The following FBN1 variants were observed in gnomAD, a reference collection of about 807,000 sequenced individuals.
FBN1 encodes the protein fibrillin-1.
FBN1 carries 29 observed loss-of-function variants against 365.1 expected under a neutral mutation model. That is an observed-to-expected ratio of 0.08 (90% confidence interval 0.06 to 0.11). FBN1 has a LOEUF of 0.11. Among genes scored for constraint, FBN1 ranks in the 10% least tolerant of loss-of-function variants. The pLI, the probability that FBN1 is intolerant of heterozygous loss-of-function variation, is 1.00. For missense variants in FBN1, 2,476 were observed against 3,703.2 expected (o/e 0.67, Z 8.60); for synonymous variants, 1,210 against 1,270.5 (o/e 0.95, Z 1.01).
In FBN1 at chr15:48,445,411, C is replaced by A. The variant is rs770219790; in HGVS notation, c.5882G>T (p.Gly1961Val). ...CCTCCCATCTGGAGCCACCTCATAG[C>A]CTTCATTGCACTGGCACTGGAAAGA... ...VGSFQCQCNE[G>V]YEVAPDGRTC... Residue 1961 changes from glycine to valine, a missense_variant, in exon 48 of 66, where the codon GGC becomes GTC. Physicochemically the swap from Gly to Val is moderately radical, Grantham distance 109 (BLOSUM62 -3). Transcript: ENST00000316623. The A allele has an allele frequency of 2.5e-6, 4 of 1,612,726 alleles. No individual in the cohort carries two copies. In the South Asian group the frequency reaches 4.4e-5, roughly 18 times the overall value.
At chr15:48,423,042 C>T (rs1392520584) in intron 60 of FBN1, among the ~76,000 whole-genome samples, 1 of 152,248 alleles carries the variant, frequency 6.6e-6, no homozygotes, top group African/African-American at 2.4e-5. Flanking sequence ...ATAAAACCCT[C>T]TGCTTTGACC....
chr15:48,545,622 G>C (rs2044088195), intron 6 of FBN1, among the ~76,000 whole-genome samples: 1 of 152,016 alleles, frequency 6.6e-6, no homozygotes, highest in African/African-American at 2.4e-5. Context: ...AGATGGATGG[G>C]GGTGACAAGG....
chr15:48,444,529 T>C lies in FBN1; in HGVS notation c.6037+12A>G, dbSNP rs1597531680. 6.2e-7 allele frequency: 1 copy of C among 1,613,134 alleles called. No homozygotes were observed. The highest frequency in any genetic ancestry group is 8.5e-7 in the Non-Finnish European group (1 of 1,179,408). ...GACACTCCTCATTTGCTACAACTGA[T>C]AGCTTTCCTACCTTCACACTTCTCA... On this transcript the variant is annotated intron_variant, in intron 49 of 65. Coordinates refer to ENST00000316623, the MANE Select transcript of FBN1 (RefSeq NM_000138.5).
At chr15:48,492,704 T>G in intron 23 of FBN1, 118 bp from the exon 24 acceptor site, 2 of 867,194 alleles carry the variant, frequency 2.3e-6, no homozygotes, top group Non-Finnish European at 3.6e-6. Context: ...TAAAACTAGT[T>G]TGCCTACAAG....
At chr15:48,620,691 C>T (rs2037780487) in intron 2 of FBN1, among the ~76,000 whole-genome samples, 1 of 152,164 alleles carries the variant, frequency 6.6e-6, no homozygotes, top group South Asian at 2.1e-4. Context: ...TTTGTACCAT[C>T]AGTTACTCAA....
chr15:48,618,698 G>A (rs1264915203), intron 2 of FBN1, among the ~76,000 whole-genome samples: 2 of 152,192 alleles, frequency 1.3e-5, no homozygotes, highest in African/African-American at 2.4e-5. Context: ...ACAGCAGGGG[G>A]TAAGTGGCAG....
chr15:48,531,426 G>C (rs35149841), intron 8 of FBN1, among the ~76,000 whole-genome samples: 19,454 of 151,954 alleles, frequency 0.13, 1,303 homozygotes, highest in Non-Finnish European at 0.14. Context: ...TGATGGAATT[G>C]GTTTTTCTTG....
chr15:48,565,478 A>G (rs2044253163), intron 6 of FBN1, among the ~76,000 whole-genome samples: 1 of 152,152 alleles, frequency 6.6e-6, no homozygotes, highest in African/African-American at 2.4e-5. Flanking sequence ...ACATAACACA[A>G]TCATGTGTTA....
chr15:48,519,880 T>C (rs2043836006), intron 10 of FBN1, among the ~76,000 whole-genome samples: 1 of 152,222 alleles, frequency 6.6e-6, no homozygotes, highest in South Asian at 2.1e-4. Context: ...CCACTAAATA[T>C]TGCCTGAGTT....
intron 53 of FBN1, among the ~76,000 whole-genome samples, chr15:48,435,914 A>G (rs2043068948): frequency 1.3e-5 from 2 of 151,886 alleles, no homozygotes; most frequent in Non-Finnish European, 2.9e-5. Context: ...ATTTTGAGAA[A>G]TAACATTGAT....
chr15:48,579,135 C>T (rs964381217), intron 6 of FBN1, among the ~76,000 whole-genome samples: 3 of 151,900 alleles, frequency 2.0e-5, no homozygotes, highest in Non-Finnish European at 4.4e-5. Flanking sequence ...GGAGGGCAGG[C>T]AGGGCAAATG....
intron 38 of FBN1, 55 bp downstream of exon 38, chr15:48,467,883 G>C: frequency 6.7e-7 from 1 of 1,503,520 alleles, no homozygotes; most frequent in Non-Finnish European, 9.3e-7. Flanking sequence ...TTCTGATCTA[G>C]AAAGGAGAAC....
At chr15:48,527,814 T>C (rs528033226) in intron 8 of FBN1, among the ~76,000 whole-genome samples, 4 of 152,358 alleles carry the variant, frequency 2.6e-5, no homozygotes, top group South Asian at 2.1e-4. Context: ...AGCACTGTCA[T>C]TGCAAAATTA....
chr15:48,587,762 A>G (rs1053835109), intron 6 of FBN1, among the ~76,000 whole-genome samples: 3 of 152,160 alleles, frequency 2.0e-5, no homozygotes, highest in Non-Finnish European at 2.9e-5. Context: ...TCATGATTCT[A>G]TCATCATGCC....
chr15:48,562,820 A>G (rs914295783), intron 6 of FBN1, among the ~76,000 whole-genome samples: 9 of 152,128 alleles, frequency 5.9e-5, no homozygotes, highest in African/African-American at 2.2e-4. Flanking sequence ...TTTAATTTAA[A>G]CTGGAAGGGA....
At chr15:48,432,294 G>A (rs1016255452) in intron 55 of FBN1, among the ~76,000 whole-genome samples, 1 of 152,136 alleles carries the variant, frequency 6.6e-6, no homozygotes, top group Non-Finnish European at 1.5e-5. Flanking sequence ...ATATTGACAG[G>A]AGCAAATCAG....
chr15:48,610,894 T>C (rs2044651443), intron 3 of FBN1, 68 bp from the exon 4 acceptor site: 3 of 1,341,542 alleles, frequency 2.2e-6, no homozygotes. Flanking sequence ...GGACCAATCC[T>C]CAAATGAGGA....
rs183574976 is a variant in FBN1 at position 48,561,650 on chromosome 15, G to T, written c.539-23842C>A. 4.0e-4 allele frequency among the ~76,000 whole-genome samples: 61 copies of T among 152,180 alleles called. No individual in the cohort carries two copies. The East Asian group carries it at 0.011, about 28-fold the overall frequency. On this transcript the variant is annotated intron_variant, in intron 6 of 65. Coordinates refer to ENST00000316623, the MANE Select transcript of FBN1 (RefSeq NM_000138.5). Reference sequence around the variant, plus strand: ...TTTTTAGACTTTATCAACAATTTTTGATTCATCCACTGAATAAACAACCTT... The same window carrying T: ...TTTTTAGACTTTATCAACAATTTTTTATTCATCCACTGAATAAACAACCTT...
chr15:48,515,084 T>C (rs2043789481), intron 12 of FBN1, among the ~76,000 whole-genome samples: 1 of 151,982 alleles, frequency 6.6e-6, no homozygotes, highest in Non-Finnish European at 1.5e-5. Context: ...ACTGCTGGCT[T>C]TGAAAATGGA....
Sources: allele counts gnomAD v4.1 joint callset (sites outside exome capture counted in the v4.1 genomes callset), GRCh38; gene constraint gnomAD v4.1.1; transcripts MANE v1.5; gene names NCBI Gene and HGNC (gene_info 2026-07-23, HGNC 2026-07-21).